EPN2: variants seen among roughly 807,000 people sequenced by gnomAD.
The protein encoded by EPN2 is epsin 2, also known as epsin-2.
A neutral mutation model predicts 61.7 loss-of-function variants in EPN2; 34 were observed. The observed-to-expected ratio is 0.55, with a 90% confidence interval of 0.42 to 0.73. EPN2 has a LOEUF of 0.73. EPN2 is among the 30% of genes least tolerant of loss of function. The pLI is 0.00. For missense variants in EPN2, 714 were observed against 839.2 expected, an observed-to-expected ratio of 0.85 and a Z score of 1.84; for synonymous variants, 349 against 353.6, an observed-to-expected ratio of 0.99 and a Z score of 0.15.
intron 1 of EPN2, among the ~76,000 whole-genome samples, chr17:19,267,467 G>A (rs2045211626): frequency 6.6e-6 from 1 of 151,428 alleles, no homozygotes; most frequent in Admixed American, 6.6e-5. Context: ...CTTCGTATAT[G>A]TTACTTAAAG....
At chr17:19,314,249 T>C (rs916239784) in intron 7 of EPN2, among the ~76,000 whole-genome samples, 1 of 152,178 alleles carries the variant, frequency 6.6e-6, no homozygotes. Context: ...CAGTACTGTG[T>C]AGTCCAGGAC....
chr17:19,307,602 C>T (rs1348857868), intron 4 of EPN2, among the ~76,000 whole-genome samples: 3 of 152,220 alleles, frequency 2.0e-5, no homozygotes, highest in Admixed American at 6.5e-5. Context: ...CTCGGCATCC[C>T]GAAGTGCTGG....
intron 1 of EPN2, among the ~76,000 whole-genome samples, chr17:19,266,828 G>T (rs2045203649): frequency 6.6e-6 from 1 of 151,606 alleles, no homozygotes; most frequent in African/African-American, 2.4e-5. Flanking sequence ...CTTTACAAAG[G>T]AACATTATTT....
chr17:19,288,683 G>A (rs1212344138), intron 4 of EPN2, among the ~76,000 whole-genome samples: 1 of 152,166 alleles, frequency 6.6e-6, no homozygotes, highest in Non-Finnish European at 1.5e-5. Flanking sequence ...CCTGGAGGAG[G>A]TGTGGGGCAG....
chr17:19,295,271 T>G (rs2045503767), intron 4 of EPN2, among the ~76,000 whole-genome samples: 2 of 151,848 alleles, frequency 1.3e-5, no homozygotes, highest in Non-Finnish European at 2.9e-5. Flanking sequence ...TCTTCTCCTC[T>G]CTCCTCACCT....
chr17:19,271,182 GAAAC>G (rs2152212185), intron 1 of EPN2, among the ~76,000 whole-genome samples: 1 of 152,280 alleles, frequency 6.6e-6, no homozygotes, highest in East Asian at 1.9e-4. Context: ...GGGCAGGAGA[GAAAC>G]AGATAAACAG....
At position 19,262,890 on chromosome 17, in the gene EPN2, G is replaced by A. The variant is rs912569122; in HGVS notation, c.-293-19065G>A. 2.6e-5 allele frequency among the ~76,000 whole-genome samples: 4 copies of A among 152,232 alleles called. No individual in the cohort carries two copies. The East Asian group carries it at 7.7e-4, about 29-fold the overall frequency. The stretch of plus-strand genomic sequence containing the variant: ...TTACATTCAGTGTAATGTTGTCGAG[G>A]TTCATCCATATGGTAGAATGGGCCA... On this transcript the variant is annotated intron_variant, in intron 1 of 10. Transcript: ENST00000314728.
chr17:19,310,571 C>CTTTTTTTTTTTTTT (rs71155391), intron 5 of EPN2, among the ~76,000 whole-genome samples: 19 of 80,916 alleles, frequency 2.3e-4, no homozygotes, highest in Non-Finnish European at 2.4e-4. Flanking sequence ...CTCCTTCTTT[C>CTTTTTTTTTTTTTT]TTTTTTTTTT....
chr17:19,283,535 G>A lies in EPN2; in HGVS notation c.416G>A (p.Arg139Gln), dbSNP rs778513251. 5.0e-6 allele frequency: 8 copies of A among 1,614,236 alleles called. No individual in the cohort carries two copies. Among genetic ancestry groups the A allele is most frequent in the Middle Eastern group, 1.6e-4 (1 of 6,062 alleles). The part of the protein sequence containing the change: ...QLVALLKDEE[R>Q]LKAERAQALK... ...GTGGCTCTCCTCAAGGACGAGGAAC[G>A]GTTGAAGGCTGAGAGGGCCCAGGCT... The change falls in exon 3 of 11, where the codon CGG becomes CAG. Residue 139 changes from arginine to glutamine, a missense_variant. Arg to Gln is a conservative substitution (Grantham distance 43). Coordinates refer to ENST00000314728, the MANE Select transcript of EPN2 (RefSeq NM_014964.5). This position sits in a 1 kb window ranked among gnomAD's most constrained non-coding sequence, Gnocchi z 7.0.
intron 1 of EPN2, among the ~76,000 whole-genome samples, chr17:19,257,316 G>A (rs2045090861): frequency 6.6e-6 from 1 of 152,098 alleles, no homozygotes; most frequent in African/African-American, 2.4e-5. Flanking sequence ...CATGGTGTTT[G>A]CAGGCTGTGT....
chr17:19,319,113 G>T (rs1307006250), intron 7 of EPN2, among the ~76,000 whole-genome samples: 1 of 151,432 alleles, frequency 6.6e-6, no homozygotes, highest in Non-Finnish European at 1.5e-5. Context: ...CATGAGAATC[G>T]CTTGAACCCG....
chr17:19,243,582 A>G (rs1208758341), intron 1 of EPN2, among the ~76,000 whole-genome samples: 1 of 151,702 alleles, frequency 6.6e-6, no homozygotes, highest in Non-Finnish European at 1.5e-5. Context: ...TTTAATAGAG[A>G]TGGGGTTTCA....
intron 4 of EPN2, among the ~76,000 whole-genome samples, chr17:19,286,870 G>A (rs868755542): frequency 6.6e-6 from 1 of 152,164 alleles, no homozygotes; most frequent in South Asian, 2.1e-4. Context: ...AATGATAAAA[G>A]CATTCGTTAA....
At chr17:19,332,788 T>C (rs1465542945) in intron 10 of EPN2, among the ~76,000 whole-genome samples, 1 of 152,180 alleles carries the variant, frequency 6.6e-6, no homozygotes, top group African/African-American at 2.4e-5. Context: ...CTAGCTCAGA[T>C]GACTCCCTTC....
intron 4 of EPN2, chr17:19,297,001 A>G (rs1244101143): frequency 6.6e-6 from 1 of 152,214 alleles, no homozygotes; most frequent in Non-Finnish European, 1.5e-5. Flanking sequence ...TTGTCTTGTG[A>G]CATTGAAACA....
At position 19,254,424 on chromosome 17, in the gene EPN2, T is replaced by G. The variant is rs184166554; in HGVS notation, c.-294+16893T>G. Among the ~76,000 whole-genome samples the G allele has an allele frequency of 4.7e-5, 7 of 147,422 alleles. 1 individual carries two copies. The highest frequency in any genetic ancestry group is 1.7e-4 in the African/African-American group (7 of 40,036). On this transcript the variant is annotated intron_variant, in intron 1 of 10. Transcript: ENST00000314728. ...GGCGTGGTGATGCATGCTTGTAATCTCAGCTACTCGGGAGGCTGAGGCAGG... is the reference window on the plus strand; with the variant it reads ...GGCGTGGTGATGCATGCTTGTAATCGCAGCTACTCGGGAGGCTGAGGCAGG...
chr17:19,247,109 A>G (rs1237449040), intron 1 of EPN2, among the ~76,000 whole-genome samples: 2 of 152,220 alleles, frequency 1.3e-5, no homozygotes, highest in Non-Finnish European at 2.9e-5. Flanking sequence ...GTCCTGGGAT[A>G]TAATGACTAT....
chr17:19,308,588 G>A (rs892105613), intron 4 of EPN2: 8 of 985,230 alleles, frequency 8.1e-6, no homozygotes, highest in South Asian at 4.7e-5. Context: ...CCGGGAAGCC[G>A]AGCTCTGACT....
At chr17:19,315,870 G>A (rs1906358936) in intron 7 of EPN2, among the ~76,000 whole-genome samples, 1 of 152,174 alleles carries the variant, frequency 6.6e-6, no homozygotes, top group Non-Finnish European at 1.5e-5. Context: ...TCTAATTCCA[G>A]AACATTTCCA....
Sources: gnomAD v4.1 joint callset for allele counts (sites outside exome capture counted in the v4.1 genomes callset) on GRCh38, gnomAD v4.1.1 for gene constraint, Gnocchi (gnomAD v3.1) non-coding constraint, MANE v1.5 for transcripts, NCBI Gene and HGNC (gene_info 2026-07-23, HGNC 2026-07-21) for gene names.